Variants in TMEM135 observed in about 807,000 individuals in gnomAD.
TMEM135 encodes peroxisomal membrane protein 52.
In TMEM135, 30 loss-of-function variants were observed where a neutral mutation model predicts 60.3. The observed-to-expected ratio is 0.50, with a 90% CI of 0.37 to 0.68. The LOEUF (loss-of-function observed/expected upper bound fraction) is 0.68. Ranked by LOEUF, TMEM135 falls within the 30% of genes least tolerant of loss-of-function variation. The pLI is 0.00. For missense variants in TMEM135, 468 were observed against 548.8 expected (o/e 0.85, Z 1.47); for synonymous variants, 190 against 186.7 (o/e 1.02, Z -0.14).
In TMEM135 at chr11:87,140,062, C is replaced by CTTTCTTTCTTTTTT. The variant is rs533280638; in HGVS notation, c.397-17275_397-17262dup. Among the ~76,000 whole-genome samples, 23 of 151,022 alleles carry CTTTCTTTCTTTTTT rather than the reference C, an allele frequency of 1.5e-4. No individual in the cohort carries two copies. The South Asian group carries it at 4.6e-3, about 30-fold the overall frequency. ...TTTCAGAGTTTGTGGCTTACTTTTT[C>CTTTCTTTCTTTTTT]TTTCTTTCTTTTTTTTTGTGTTTGA... is the stretch of plus-strand genomic sequence containing the variant. On this transcript the variant is annotated intron_variant, in intron 4 of 14. Coordinates refer to ENST00000305494, the MANE Select transcript of TMEM135 (RefSeq NM_022918.4).
intron 4 of TMEM135, among the ~76,000 whole-genome samples, chr11:87,151,082 G>C (rs1165184392): frequency 6.6e-6 from 1 of 151,948 alleles, no homozygotes; most frequent in South Asian, 2.1e-4. Flanking sequence ...TTTGATTCCT[G>C]TTTCTTTGTT....
intron 5 of TMEM135, among the ~76,000 whole-genome samples, chr11:87,160,497 G>A (rs1938842095): frequency 6.6e-6 from 1 of 152,116 alleles, no homozygotes; most frequent in South Asian, 2.1e-4. Context: ...CTAGGAAATT[G>A]GAGAGCTAGG....
At chr11:87,128,139 A>T (rs11825950) in intron 4 of TMEM135, among the ~76,000 whole-genome samples, 19,603 of 152,188 alleles carry the variant, frequency 0.13, 1,347 homozygotes, top group Middle Eastern at 0.15. Flanking sequence ...CTAGTAAAAC[A>T]CTTGGTTTCT....
At chr11:87,236,590 G>A (rs1296878899) in intron 5 of TMEM135, 48 bp from the exon 6 acceptor site, 1 of 1,548,970 alleles carries the variant, frequency 6.5e-7, no homozygotes, top group Admixed American at 1.7e-5. Context: ...CACTCAAATG[G>A]TGATGTCAGT....
chr11:87,168,923 G>T (rs1939146726), intron 5 of TMEM135, among the ~76,000 whole-genome samples: 2 of 152,030 alleles, frequency 1.3e-5, no homozygotes, highest in Admixed American at 1.3e-4. Context: ...CACTATTATT[G>T]TGTGGGAGTC....
intron 4 of TMEM135, chr11:87,095,176 A>C (rs1439938512): frequency 1.1e-5 from 2 of 180,274 alleles, no homozygotes; most frequent in African/African-American, 4.7e-5. Flanking sequence ...GTGCTTCATA[A>C]TGCTCCATGG....
chr11:87,116,724 A>T (rs1225162199), intron 4 of TMEM135, among the ~76,000 whole-genome samples: 1 of 152,108 alleles, frequency 6.6e-6, no homozygotes, highest in Non-Finnish European at 1.5e-5. Context: ...AATAAAGTGA[A>T]TACTGTAATA....
chr11:87,122,502 C>T (rs1937619721), intron 4 of TMEM135, among the ~76,000 whole-genome samples: 1 of 145,660 alleles, frequency 6.9e-6, no homozygotes, highest in Non-Finnish European at 1.5e-5. Context: ...GCTCTGTTGC[C>T]CAGGCTGGAG....
At chr11:87,080,228 C>T (rs1283406859) in intron 3 of TMEM135, among the ~76,000 whole-genome samples, 2 of 145,532 alleles carry the variant, frequency 1.4e-5, no homozygotes, top group African/African-American at 5.1e-5. Context: ...TGTTTGTCTA[C>T]AGCTGGTTTT....
chr11:87,107,151 A>G (rs1285892968), intron 4 of TMEM135, among the ~76,000 whole-genome samples: 1 of 152,110 alleles, frequency 6.6e-6, no homozygotes, highest in Non-Finnish European at 1.5e-5. Flanking sequence ...AGACTATATC[A>G]TTGGTCTATT....
chr11:87,135,349 G>A (rs990523382), intron 4 of TMEM135, among the ~76,000 whole-genome samples: 1 of 151,868 alleles, frequency 6.6e-6, no homozygotes, highest in Non-Finnish European at 1.5e-5. Flanking sequence ...TTACTTCATA[G>A]TTCTAGATTT....
chr11:87,276,902 C>T (rs1256433008), intron 6 of TMEM135, among the ~76,000 whole-genome samples: 3 of 151,640 alleles, frequency 2.0e-5, no homozygotes, highest in African/African-American at 7.3e-5. Flanking sequence ...GAACTCTTGA[C>T]CTCAGTTGGT....
rs1394379039 is a variant in TMEM135 at position 87,328,604 on chromosome 11, C to T, written c.*7271C>T. On this transcript the variant is annotated 3_prime_UTR_variant, in exon 15 of 15. Coordinates refer to ENST00000305494, the MANE Select transcript of TMEM135 (RefSeq NM_022918.4). ...TTGAGAACATACAGAATTTGATTTT[C>T]TATTCCGGAGTTACTTTACTTAGAA... 5 of 453,946 alleles carry T rather than the reference C, an allele frequency of 1.1e-5. No homozygotes were observed. The highest frequency in any genetic ancestry group is 1.8e-5 in the Non-Finnish European group (4 of 226,784). 28.1% of individuals were successfully genotyped at this position (453,946 alleles called of 1,614,324 possible).
chr11:87,045,628 A>AT (rs1342442598), intron 1 of TMEM135, among the ~76,000 whole-genome samples: 7 of 152,154 alleles, frequency 4.6e-5, no homozygotes, highest in African/African-American at 1.7e-4. Flanking sequence ...CTGGTAACAG[A>AT]TTTTCCATCA....
chr11:87,201,591 T>TG (rs1430010448), intron 5 of TMEM135, among the ~76,000 whole-genome samples: 2 of 152,106 alleles, frequency 1.3e-5, no homozygotes, highest in African/African-American at 2.4e-5. Context: ...TTAAGACGCC[T>TG]GCTGGTTGGA....
intron 5 of TMEM135, among the ~76,000 whole-genome samples, chr11:87,232,474 A>C (rs1299842203): frequency 6.6e-6 from 1 of 151,440 alleles, no homozygotes; most frequent in African/African-American, 2.4e-5. Context: ...AGACTACCCC[A>C]GGCACATCAT....
At chr11:87,113,473 C>G (rs964741760) in intron 4 of TMEM135, among the ~76,000 whole-genome samples, 1 of 151,986 alleles carries the variant, frequency 6.6e-6, no homozygotes, top group Non-Finnish European at 1.5e-5. Context: ...AGATTTAACT[C>G]TTTTATAAAA....
At chr11:87,308,456 A>T (rs17149921) in intron 9 of TMEM135, among the ~76,000 whole-genome samples, 1 of 152,190 alleles carries the variant, frequency 6.6e-6, no homozygotes, top group African/African-American at 2.4e-5. Flanking sequence ...TTAATAAGGC[A>T]TTAGGTAGTT....
At chr11:87,139,840 T>TTG (rs902056565) in intron 4 of TMEM135, among the ~76,000 whole-genome samples, 10 of 152,114 alleles carry the variant, frequency 6.6e-5, no homozygotes, top group Admixed American at 3.3e-4. Flanking sequence ...TCATAAATAT[T>TTG]TGTGTGTGTG....
Sources: gnomAD v4.1 joint callset for allele counts (sites outside exome capture counted in the v4.1 genomes callset) on GRCh38, gnomAD v4.1.1 for gene constraint, MANE v1.5 for transcripts, NCBI Gene and HGNC (gene_info 2026-07-23, HGNC 2026-07-21) for gene names.